SLCO3A1: variants seen among roughly 807,000 people sequenced by gnomAD.
SLCO3A1 encodes solute carrier organic anion transporter family member 3A1.
SLCO3A1 carries 27 observed loss-of-function variants against 63.1 expected under a neutral mutation model. The observed-to-expected ratio is 0.43, with a 90% CI of 0.32 to 0.59. The LOEUF (loss-of-function observed/expected upper bound fraction) is 0.59. Ranked by LOEUF, SLCO3A1 falls within the 20% of genes least tolerant of loss-of-function variation. The pLI, the probability that SLCO3A1 is intolerant of heterozygous loss-of-function variation, is 0.09. For missense variants in SLCO3A1, 773 were observed against 945.8 expected (o/e 0.82, Z 2.40); for synonymous variants, 473 against 409.9 (o/e 1.15, Z -1.86).
rs1321341128 is a variant in SLCO3A1, at chr15:92,083,774, A to G, written c.647-11107A>G. On this transcript the variant is annotated intron_variant, in intron 2 of 9. Transcript: ENST00000318445. The stretch of plus-strand genomic sequence containing the variant: ...TTGTGCTGTCATCTTTGTAATAATG[A>G]TTGCTAAAATTTATTGAGCACTTAC... Among the ~76,000 whole-genome samples the G allele has an allele frequency of 2.6e-5, 4 of 152,190 alleles. No individual in the cohort carries two copies. In the South Asian group the frequency reaches 8.3e-4, roughly 32 times the overall value.
chr15:92,148,175 T>C (rs2048254945), intron 8 of SLCO3A1, among the ~76,000 whole-genome samples: 1 of 152,176 alleles, frequency 6.6e-6, no homozygotes, highest in African/African-American at 2.4e-5. Context: ...ACCACCGCAC[T>C]CCAGCCTGGG....
chr15:92,111,668 T>C (rs2047731065), intron 4 of SLCO3A1, among the ~76,000 whole-genome samples: 1 of 152,222 alleles, frequency 6.6e-6, no homozygotes, highest in African/African-American at 2.4e-5. Context: ...ATAGATAAGC[T>C]ACAGCTGCAC....
At chr15:92,051,748 G>A (rs928411679) in intron 2 of SLCO3A1, among the ~76,000 whole-genome samples, 7 of 152,112 alleles carry the variant, frequency 4.6e-5, no homozygotes, top group African/African-American at 1.4e-4. Context: ...AGGAACAGCC[G>A]TGAAATCAGC....
Position 91,875,969 on chromosome 15 carries a change from A to G in SLCO3A1, c.180+21881A>G. Among the ~76,000 whole-genome samples, 1 of 152,142 alleles carries G rather than the reference A, an allele frequency of 6.6e-6. No homozygotes were observed. The highest frequency in any genetic ancestry group is 6.5e-5 in the Admixed American group (1 of 15,270). On this transcript the variant is annotated intron_variant, in intron 1 of 9. Transcript: ENST00000318445. This position sits in a 1 kb window ranked among gnomAD's most constrained non-coding sequence, Gnocchi z 4.5. ...TTTGCTACCCCTGCTCTAGAATCTTAAAGAATTCTTAGAGTTGTGGTCTCA... is the reference window on the plus strand; with the variant it reads ...TTTGCTACCCCTGCTCTAGAATCTTGAAGAATTCTTAGAGTTGTGGTCTCA...
chr15:91,930,685 C>T (rs748810480), intron 2 of SLCO3A1, among the ~76,000 whole-genome samples: 5 of 152,184 alleles, frequency 3.3e-5, no homozygotes, highest in Non-Finnish European at 7.3e-5. Flanking sequence ...ATGAATCAGA[C>T]CTAGCTTCTG....
At chr15:91,914,427 C>T (rs998078703) in intron 1 of SLCO3A1, among the ~76,000 whole-genome samples, 2 of 152,136 alleles carry the variant, frequency 1.3e-5, no homozygotes, top group African/African-American at 4.8e-5. Context: ...GAAATAATAA[C>T]AGGGGTTCAA....
In SLCO3A1 at chr15:92,016,266, A is replaced by ATAGATAGATAGAT. The variant is rs2046434943; in HGVS notation, c.647-78614_647-78602dup. Among the ~76,000 whole-genome samples, 6 of 134,912 alleles carry ATAGATAGATAGAT rather than the reference A, an allele frequency of 4.4e-5. No individual in the cohort carries two copies. The South Asian group carries it at 1.4e-3, about 31-fold the overall frequency. The allele number at this position is 134,912 out of a possible 152,430, so 88.5% of individuals were successfully genotyped here. A position where few individuals can be genotyped will look rare whatever the true frequency, so the allele number is the denominator to read the frequency against. The stretch of plus-strand genomic sequence containing the variant: ...ATAGATAGATAGATTAGATAGATAG[A>ATAGATAGATAGAT]TAGATAGATAGATAGATGTTATAGA... On this transcript the variant is annotated intron_variant, in intron 2 of 9. Coordinates refer to ENST00000318445, the MANE Select transcript of SLCO3A1 (RefSeq NM_013272.4).
chr15:92,148,424 AGTACTAAT>A (rs2048258679), intron 8 of SLCO3A1, among the ~76,000 whole-genome samples: 1 of 152,222 alleles, frequency 6.6e-6, no homozygotes, highest in Non-Finnish European at 1.5e-5. Context: ...GATTTTTACA[AGTACTAAT>A]GTTACCTAGA....
rs886860905 is a variant in SLCO3A1, at chr15:91,987,385, C to A, written c.646+70927C>A. The stretch of plus-strand genomic sequence containing the variant: ...GATGTATTATGCTCTGGGGATACAA[C>A]GGTGAACAAGACAAAGTTCTTGCTC... On this transcript the variant is annotated intron_variant, in intron 2 of 9. Coordinates refer to ENST00000318445, the MANE Select transcript of SLCO3A1 (RefSeq NM_013272.4). Among the ~76,000 whole-genome samples, 6 of 152,208 alleles carry A rather than the reference C, an allele frequency of 3.9e-5. No homozygotes were observed. The South Asian group carries it at 6.2e-4, about 16-fold the overall frequency.
At position 91,941,466 on chromosome 15, in the gene SLCO3A1, A is replaced by G. The variant is rs1353785812; in HGVS notation, c.646+25008A>G. 2.9e-5 allele frequency: 13 copies of G among 450,414 alleles called. No homozygotes were observed. Among genetic ancestry groups the G allele is most frequent in the Non-Finnish European group, 5.8e-5 (13 of 224,656 alleles). 27.9% of individuals were successfully genotyped at this position (450,414 alleles called of 1,614,324 possible). On this transcript the variant is annotated intron_variant, in intron 2 of 9. Transcript: ENST00000318445. This position sits in a 1 kb window ranked among gnomAD's most constrained non-coding sequence, Gnocchi z 4.4. ...TGGCCTGGTTCCTTTGGCCTTAGGG[A>G]AGGACAAACTTCAACTCTGAGCCTT...
At chr15:92,013,001 C>T (rs534164554) in intron 2 of SLCO3A1, among the ~76,000 whole-genome samples, 3 of 152,326 alleles carry the variant, frequency 2.0e-5, no homozygotes, top group South Asian at 2.1e-4. Context: ...CTGCGTCACA[C>T]GGTCCTCCAG....
At chr15:92,146,698 T>TG (rs752474246) in intron 7 of SLCO3A1, among the ~76,000 whole-genome samples, 11 of 152,306 alleles carry the variant, frequency 7.2e-5, no homozygotes, top group East Asian at 1.9e-4. Context: ...CTAATTGTAT[T>TG]GGGGGGGACA....
chr15:91,891,985 G>A, intron 1 of SLCO3A1, among the ~76,000 whole-genome samples: 1 of 152,214 alleles, frequency 6.6e-6, no homozygotes. Flanking sequence ...TTGGGCCATA[G>A]TATGTGGACC....
At chr15:91,986,403 C>G (rs2046053369) in intron 2 of SLCO3A1, among the ~76,000 whole-genome samples, 1 of 152,120 alleles carries the variant, frequency 6.6e-6, no homozygotes, top group African/African-American at 2.4e-5. Context: ...TTGCCTGCCT[C>G]CTAGAGCTCA....
chr15:92,065,653 G>T (rs910267058), intron 2 of SLCO3A1, among the ~76,000 whole-genome samples: 3 of 151,880 alleles, frequency 2.0e-5, no homozygotes, highest in African/African-American at 7.3e-5. Flanking sequence ...TAATTAAGGG[G>T]GATCCATGTG....
At chr15:91,913,667 T>G (rs4078179) in intron 1 of SLCO3A1, among the ~76,000 whole-genome samples, 10,669 of 152,292 alleles carry the variant, frequency 0.07, 541 homozygotes, top group Non-Finnish European at 0.11. Context: ...TATGTTTATA[T>G]GTGCATAGAT....
At chr15:92,014,094 A>G (rs1398093145) in intron 2 of SLCO3A1, among the ~76,000 whole-genome samples, 1 of 152,142 alleles carries the variant, frequency 6.6e-6, no homozygotes, top group Non-Finnish European at 1.5e-5. Flanking sequence ...GATCCAGGCT[A>G]AAGCTTAAAC....
intron 2 of SLCO3A1, among the ~76,000 whole-genome samples, chr15:91,960,525 G>C (rs1294745455): frequency 6.6e-6 from 1 of 152,024 alleles, no homozygotes; most frequent in East Asian, 1.9e-4. Flanking sequence ...TTCTCTCTGT[G>C]GTGTCCCAGA....
intron 2 of SLCO3A1, among the ~76,000 whole-genome samples, chr15:91,983,732 C>T (rs371156123): frequency 2.0e-5 from 3 of 152,246 alleles, no homozygotes; most frequent in East Asian, 3.9e-4. Flanking sequence ...TCATGTTGAT[C>T]GGCATACAAG....
Sources: allele counts gnomAD v4.1 joint callset (sites outside exome capture counted in the v4.1 genomes callset), GRCh38; gene constraint gnomAD v4.1.1; non-coding constraint Gnocchi (gnomAD v3.1); transcripts MANE v1.5; gene names NCBI Gene and HGNC (gene_info 2026-07-23, HGNC 2026-07-21).